The following NRG1 variants were observed in gnomAD, a reference collection of about 807,000 sequenced individuals.
NRG1 encodes the protein pro-neuregulin-1, membrane-bound isoform.
In NRG1, 18 loss-of-function variants were observed where a neutral mutation model predicts 63.8. That is an observed-to-expected ratio of 0.28 (90% CI 0.19 to 0.42). The LOEUF (loss-of-function observed/expected upper bound fraction) is 0.42. Among genes scored for constraint, NRG1 ranks in the 10% least tolerant of loss-of-function variants. The probability of loss-of-function intolerance (pLI) is 1.00; values close to 1 mark genes in which losing one functional copy is unlikely to be tolerated. For synonymous variants in NRG1, 302 were observed against 301.3 expected, an observed-to-expected ratio of 1.00 and a Z score of -0.02; for missense variants, 762 against 814.7, an observed-to-expected ratio of 0.94 and a Z score of 0.79.
intron 1 of NRG1, among the ~76,000 whole-genome samples, chr8:32,283,237 T>C (rs1192634481): frequency 1.3e-5 from 2 of 152,240 alleles, no homozygotes; most frequent in Non-Finnish European, 2.9e-5. Flanking sequence ...TATTTAAAGA[T>C]GTTTAGGCTC....
chr8:32,598,785 T>G (rs1275102242), intron 2 of NRG1, among the ~76,000 whole-genome samples: 1 of 152,118 alleles, frequency 6.6e-6, no homozygotes, highest in Non-Finnish European at 1.5e-5. Context: ...ATTTCTAAAA[T>G]TGTGTCTTTT....
intron 1 of NRG1, among the ~76,000 whole-genome samples, chr8:31,717,299 C>T (rs1043074960): frequency 1.3e-5 from 2 of 151,234 alleles, no homozygotes; most frequent in South Asian, 2.1e-4. Flanking sequence ...CCCTGCTACT[C>T]GGGAGGCTGA....
Position 32,648,180 on chromosome 8 carries a change from G to A in NRG1, c.502+31295G>A, listed in dbSNP as rs111421099. 7.8e-5 allele frequency: 126 copies of A among 1,614,090 alleles called. 2 individuals carry two copies. The African/African-American group carries it at 1.3e-3, about 17-fold the overall frequency. ...GGCTCAATCTGAAAGTGAGGTTCAAGTTACAGTGCAAGGTGACAAGGCTGT... is the reference window on the plus strand; with the variant it reads ...GGCTCAATCTGAAAGTGAGGTTCAAATTACAGTGCAAGGTGACAAGGCTGT... On this transcript the variant is annotated intron_variant, in intron 5 of 11. Transcript: ENST00000356819.
At chr8:32,644,154 A>C (rs930055538) in intron 5 of NRG1, among the ~76,000 whole-genome samples, 2 of 152,204 alleles carry the variant, frequency 1.3e-5, no homozygotes, top group Admixed American at 1.3e-4. Flanking sequence ...AACCTAGCAG[A>C]GTGCCTGTCA....
At chr8:32,176,798 G>T (rs1840787833) in intron 1 of NRG1, among the ~76,000 whole-genome samples, 1 of 152,142 alleles carries the variant, frequency 6.6e-6, no homozygotes, top group Non-Finnish European at 1.5e-5. Context: ...ACACCAGTTA[G>T]AATGGCAATC....
chr8:32,358,911 T>C (rs1480753350), intron 1 of NRG1, among the ~76,000 whole-genome samples: 2 of 152,144 alleles, frequency 1.3e-5, no homozygotes, highest in South Asian at 2.1e-4. Context: ...ATCAGCATAA[T>C]TCAGAGTCAC....
At chr8:32,686,701 C>T (rs1810235254) in intron 5 of NRG1, among the ~76,000 whole-genome samples, 1 of 152,198 alleles carries the variant, frequency 6.6e-6, no homozygotes, top group African/African-American at 2.4e-5. Flanking sequence ...AATGACAAGG[C>T]TGTCTAGACA....
chr8:32,358,427 AGAGGT>A (rs2129480834), intron 1 of NRG1, among the ~76,000 whole-genome samples: 1 of 150,624 alleles, frequency 6.6e-6, no homozygotes, highest in Non-Finnish European at 1.5e-5. Flanking sequence ...TATGATAGGG[AGAGGT>A]CAGAGATGCT....
intron 1 of NRG1, among the ~76,000 whole-genome samples, chr8:31,660,355 C>T (rs2130932876): frequency 6.6e-6 from 1 of 152,280 alleles, no homozygotes; most frequent in Non-Finnish European, 1.5e-5. Flanking sequence ...AAGGAGAAGG[C>T]ACCTCTGCTA....
At chr8:32,042,742 A>G (rs1820273120) in intron 1 of NRG1, among the ~76,000 whole-genome samples, 1 of 151,174 alleles carries the variant, frequency 6.6e-6, no homozygotes, top group African/African-American at 2.5e-5. Context: ...ACTAAAAAAC[A>G]CAATAACTCA....
chr8:31,897,330 C>T (rs1182974232), intron 1 of NRG1, among the ~76,000 whole-genome samples: 1 of 151,976 alleles, frequency 6.6e-6, no homozygotes, highest in Non-Finnish European at 1.5e-5. Flanking sequence ...ACAAGGCAGA[C>T]TGTTTATAGC....
intron 1 of NRG1, chr8:32,061,644 A>G (rs920777546): frequency 2.0e-5 from 3 of 152,016 alleles, no homozygotes; most frequent in Non-Finnish European, 4.4e-5. Flanking sequence ...TCCCAGTCCT[A>G]TGCTGTTTCC....
At chr8:32,003,150 AT>A (rs1364384772) in intron 1 of NRG1, among the ~76,000 whole-genome samples, 8 of 152,022 alleles carry the variant, frequency 5.3e-5, no homozygotes, top group Non-Finnish European at 1.2e-4. Context: ...TGTAGTGTAC[AT>A]TTGTGATATA....
At chr8:32,675,723 C>T (rs1333628118) in intron 5 of NRG1, among the ~76,000 whole-genome samples, 6 of 151,938 alleles carry the variant, frequency 3.9e-5, no homozygotes, top group African/African-American at 1.5e-4. Flanking sequence ...TATGGGTGAC[C>T]AGGGGGATTG....
chr8:32,716,403 T>C (rs1819233061), intron 5 of NRG1, among the ~76,000 whole-genome samples: 2 of 152,178 alleles, frequency 1.3e-5, no homozygotes, highest in South Asian at 4.1e-4. Context: ...TTTGTAGTAA[T>C]GGATGGAAAG....
intron 1 of NRG1, among the ~76,000 whole-genome samples, chr8:32,120,574 T>C (rs1833310215): frequency 6.6e-6 from 1 of 152,116 alleles, no homozygotes; most frequent in South Asian, 2.1e-4. Flanking sequence ...TTTCTTCAAA[T>C]GTTAAAACTG....
chr8:32,295,940 G>GAAAAA (rs536209588), intron 1 of NRG1, among the ~76,000 whole-genome samples: 26 of 128,106 alleles, frequency 2.0e-4, no homozygotes, highest in African/African-American at 6.0e-4. Flanking sequence ...AGGTCTCAAG[G>GAAAAA]AAAAAAAAAA....
chr8:32,412,445 T>TATAC lies in NRG1; in HGVS notation c.38-183380_38-183379insCATA, dbSNP rs1554532868. ...CTACATATATATATATATATATATATATATATACATATATATATATATATA... is the reference window on the plus strand; with the variant it reads ...CTACATATATATATATATATATATATATACATATATACATATATATATATATATA... On this transcript the variant is annotated intron_variant, in intron 1 of 10. Transcript: ENST00000519301. Among the ~76,000 whole-genome samples the TATAC allele has an allele frequency of 3.1e-4, 18 of 58,958 alleles. No homozygotes were observed. The East Asian group carries it at 4.1e-3, about 13-fold the overall frequency. The allele number at this position is 58,958 out of a possible 152,430, so 38.7% of individuals were successfully genotyped here.
intron 1 of NRG1, among the ~76,000 whole-genome samples, chr8:32,218,089 TA>T (rs1242840936): frequency 6.6e-6 from 1 of 152,230 alleles, no homozygotes; most frequent in Non-Finnish European, 1.5e-5. Flanking sequence ...TGTAAGTTCT[TA>T]AACAAAATAG....
Sources: gnomAD v4.1 joint callset for allele counts (sites outside exome capture counted in the v4.1 genomes callset) on GRCh38, gnomAD v4.1.1 for gene constraint, MANE v1.5 for transcripts, NCBI Gene and HGNC (gene_info 2026-07-23, HGNC 2026-07-21) for gene names.